Variants in CYP2C19 observed in about 807,000 individuals in gnomAD.
The protein encoded by CYP2C19 is cytochrome P450 2C19.
Under a neutral mutation model 40.9 loss-of-function variants are expected in CYP2C19, and 59 were observed. That is an observed-to-expected ratio of 1.44 (90% CI 1.17 to 1.79). The LOEUF (loss-of-function observed/expected upper bound fraction) is 1.79, where lower values mean the gene tolerates loss of function less well. Among genes scored for constraint, CYP2C19 ranks in the 40% most tolerant of loss-of-function variants. CYP2C19 has a pLI of 0.00. For synonymous variants in CYP2C19, 253 were observed against 208.7 expected, an observed-to-expected ratio of 1.21 and a Z score of -1.83; for missense variants, 754 against 596.9, an observed-to-expected ratio of 1.26 and a Z score of -2.74.
intron 1 of CYP2C19, among the ~76,000 whole-genome samples, chr10:94,767,537 G>A (rs1184890719): frequency 2.0e-5 from 3 of 152,170 alleles, no homozygotes; most frequent in Non-Finnish European, 4.4e-5. Flanking sequence ...AAATCTAACT[G>A]CCACTCCTCT....
intron 6 of CYP2C19, among the ~76,000 whole-genome samples, chr10:94,830,379 C>T (rs528848688): frequency 1.9e-4 from 29 of 152,192 alleles, no homozygotes; most frequent in African/African-American, 2.4e-4. Context: ...TTAAGCCCAT[C>T]GGAAAAGCGC....
At chr10:94,817,782 G>A (rs897687824) in intron 5 of CYP2C19, among the ~76,000 whole-genome samples, 4 of 152,026 alleles carry the variant, frequency 2.6e-5, no homozygotes, top group Admixed American at 1.3e-4. Flanking sequence ...GGGAGGCCGA[G>A]GCGGGCGGAT....
rs981862257 is a variant in CYP2C19, at chr10:94,854,207, C to G, written c.*1293C>G. Among the ~76,000 whole-genome samples the G allele has an allele frequency of 2.6e-5, 4 of 151,802 alleles. No individual in the cohort carries two copies. Among genetic ancestry groups the G allele is most frequent in the African/African-American group, 9.7e-5 (4 of 41,328 alleles). Reference sequence around the variant, plus strand: ...CTAATTTTTGTATTTTTAGTAGAGACAGGGTTTCACTATGTGGGCCAGGCT... The same window carrying G: ...CTAATTTTTGTATTTTTAGTAGAGAGAGGGTTTCACTATGTGGGCCAGGCT... On this transcript the variant is annotated 3_prime_UTR_variant, in exon 9 of 9. Coordinates refer to ENST00000371321, the MANE Select transcript of CYP2C19 (RefSeq NM_000769.4).
chr10:94,792,062 A>G (rs1848612211), intron 5 of CYP2C19, among the ~76,000 whole-genome samples: 1 of 152,096 alleles, frequency 6.6e-6, no homozygotes, highest in Admixed American at 6.5e-5. Context: ...TTGGGTGCAT[A>G]TATATTTAGG....
At chr10:94,851,638 C>A (rs1849655818) in intron 8 of CYP2C19, among the ~76,000 whole-genome samples, 1 of 152,050 alleles carries the variant, frequency 6.6e-6, no homozygotes, top group Non-Finnish European at 1.5e-5. Flanking sequence ...GAGGTGTCAG[C>A]AAGTTCACTG....
chr10:94,785,483 G>A (rs954257705), intron 5 of CYP2C19, among the ~76,000 whole-genome samples: 10 of 152,084 alleles, frequency 6.6e-5, no homozygotes, highest in Admixed American at 5.9e-4. Flanking sequence ...AGATGTTTAG[G>A]TTTATTTCTT....
intron 6 of CYP2C19, among the ~76,000 whole-genome samples, chr10:94,825,429 G>T (rs1298037802): frequency 1.2e-4 from 18 of 150,780 alleles, no homozygotes; most frequent in Admixed American, 1.1e-3. Flanking sequence ...ATTTTTTCAT[G>T]TGTTTTTTGA....
chr10:94,852,830 C>T lies in CYP2C19; in HGVS notation c.1389C>T (p.Asp463=), dbSNP rs750136744. The change falls in exon 9 of 9, where the codon GAC becomes GAT. Residue 463 remains aspartate (D), a synonymous_variant. Coordinates refer to ENST00000371321, the MANE Select transcript of CYP2C19 (RefSeq NM_000769.4). The stretch of plus-strand genomic sequence containing the variant: ...ACTTTAACCTGAAATCTCTGATTGA[C>T]CCAAAGGACCTTGACACAACTCCTG... ...LQNFNLKSLI[D]PKDLDTTPVV... 7 of 1,613,948 alleles carry T rather than the reference C, an allele frequency of 4.3e-6. No individual in the cohort carries two copies. The South Asian group carries it at 4.4e-5, about 10-fold the overall frequency.
Position 94,854,978 on chromosome 10 carries a change from A to G in CYP2C19, c.*2064A>G, listed in dbSNP as rs1849710458. Among the ~76,000 whole-genome samples, 1 of 152,158 alleles carries G rather than the reference A, an allele frequency of 6.6e-6. No individual in the cohort carries two copies. The highest frequency in any genetic ancestry group is 2.4e-5 in the African/African-American group (1 of 41,434). On this transcript the variant is annotated 3_prime_UTR_variant, in exon 9 of 9. Transcript: ENST00000371321. ...AGTGTTAGTAGAGGTGTTGACAAACACCCATGGGTGAGATAAATAAAAAAG... is the reference window on the plus strand; with the variant it reads ...AGTGTTAGTAGAGGTGTTGACAAACGCCCATGGGTGAGATAAATAAAAAAG...
At chr10:94,781,562 A>G (rs2134240319) in intron 4 of CYP2C19, among the ~76,000 whole-genome samples, 1 of 152,264 alleles carries the variant, frequency 6.6e-6, no homozygotes, top group African/African-American at 2.4e-5. Flanking sequence ...GAGAATTAAT[A>G]TAAAGATGCT....
At chr10:94,821,614 T>A (rs1229646135) in intron 6 of CYP2C19, among the ~76,000 whole-genome samples, 1 of 152,162 alleles carries the variant, frequency 6.6e-6, no homozygotes, top group African/African-American at 2.4e-5. Flanking sequence ...AATAATTTTA[T>A]CTTTTATGAA....
At chr10:94,765,704 C>T (rs1443541910) in intron 1 of CYP2C19, among the ~76,000 whole-genome samples, 1 of 152,074 alleles carries the variant, frequency 6.6e-6, no homozygotes, top group Non-Finnish European at 1.5e-5. Flanking sequence ...TTTGCCATTA[C>T]AAAGCCTGGA....
chr10:94,818,223 G>A (rs1429550922), intron 5 of CYP2C19, among the ~76,000 whole-genome samples: 1 of 144,992 alleles, frequency 6.9e-6, no homozygotes, highest in Admixed American at 6.9e-5. Context: ...TATTTCTGAG[G>A]GCTCTGTTCT....
At chr10:94,823,148 G>A (rs1247104224) in intron 6 of CYP2C19, among the ~76,000 whole-genome samples, 1 of 152,118 alleles carries the variant, frequency 6.6e-6, no homozygotes, top group African/African-American at 2.4e-5. Flanking sequence ...ATTAATCAGT[G>A]TCCCTTAAGT....
intron 5 of CYP2C19, among the ~76,000 whole-genome samples, chr10:94,806,997 T>C (rs1379241815): frequency 6.6e-6 from 1 of 152,158 alleles, no homozygotes. Flanking sequence ...AACTTTTCTC[T>C]TTTGTATAGC....
At chr10:94,849,795 CTCT>C (rs1849624703) in intron 7 of CYP2C19, 119 bp from the exon 8 acceptor site, 1 of 1,211,864 alleles carries the variant, frequency 8.3e-7, no homozygotes, top group Admixed American at 1.7e-5. Flanking sequence ...AATGGTACTG[CTCT>C]TCTTTGGAAT....
In CYP2C19 at chr10:94,845,148, T is replaced by A. The variant is rs114662509; in HGVS notation, c.1149+2124T>A. Among the ~76,000 whole-genome samples, 474 of 152,280 alleles carry A rather than the reference T, an allele frequency of 3.1e-3. 3 individuals carry two copies. Among genetic ancestry groups the A allele is most frequent in the African/African-American group, 0.011 (451 of 41,560 alleles). On this transcript the variant is annotated intron_variant, in intron 7 of 8. Transcript: ENST00000371321. ...CTGCTACAGGCTGGATCCACTTATCTAGGTGGAGATAATAGTCTGAGAGAG... is the reference window on the plus strand; with the variant it reads ...CTGCTACAGGCTGGATCCACTTATCAAGGTGGAGATAATAGTCTGAGAGAG...
chr10:94,835,278 A>C (rs1286999504), intron 6 of CYP2C19, among the ~76,000 whole-genome samples: 2 of 152,154 alleles, frequency 1.3e-5, no homozygotes, highest in Admixed American at 6.5e-5. Flanking sequence ...AGTAAATAAT[A>C]ATTTGGCCAT....
chr10:94,780,573 C>A lies in CYP2C19; in HGVS notation c.556C>A (p.Arg186Ser). The change falls in exon 4 of 9, where the codon CGT (arginine) becomes AGT (serine). Residue 186 changes from arginine to serine, a missense_variant. Physicochemically the swap from Arg to Ser is moderately radical, Grantham distance 110. Transcript: ENST00000371321. ...NVICSIIFQK[R>S]FDYKDQQFLN... is the part of the protein sequence containing the mutation. ...GATCTGCTCCATTATTTTCCAGAAA[C>A]GTTTCGATTATAAAGATCAGCAATT... 1 of 1,613,820 alleles carries A rather than the reference C, an allele frequency of 6.2e-7. No homozygotes were observed. Among genetic ancestry groups the A allele is most frequent in the Non-Finnish European group, 8.5e-7 (1 of 1,179,918 alleles).
Sources: gnomAD v4.1 joint callset for allele counts (sites outside exome capture counted in the v4.1 genomes callset) on GRCh38, gnomAD v4.1.1 for gene constraint, MANE v1.5 for transcripts, NCBI Gene and HGNC (gene_info 2026-07-23, HGNC 2026-07-21) for gene names.